Variants in RAB9B observed in about 807,000 individuals in gnomAD.
The protein encoded by RAB9B is RAB9B, member RAS oncogene family, also known as ras-related protein Rab-9B.
In RAB9B, 1 loss-of-function variant was observed where a neutral mutation model predicts 8.9. The observed-to-expected ratio is 0.11, with a 90% CI of 0.04 to 0.53. The LOEUF is 0.53. Among genes scored for constraint, RAB9B ranks in the 20% least tolerant of loss-of-function variants. The probability of loss-of-function intolerance (pLI) is 0.93; values close to 1 mark genes in which losing one functional copy is unlikely to be tolerated. For synonymous variants in RAB9B, 63 were observed against 57.0 expected (o/e 1.10, Z -0.47); for missense variants, 82 against 152.9 (o/e 0.54, Z 2.45).
downstream of RAB9B, among the ~76,000 whole-genome samples, chrX:103,820,983 TAC>T (rs1191042577): frequency 0.029 from 605 of 20,858 alleles, 7 homozygotes; most frequent in East Asian, 0.19. Context: ...CACACACACA[TAC>T]ACACACACAC....
the RAB9B span, chrX:103,785,934 C>A: frequency 1.4e-6 from 1 of 702,092 alleles, no homozygotes; most frequent in Non-Finnish European, 2.1e-6. Flanking sequence ...ACATTCGAAG[C>A]CCATTCAGAA....
At chrX:103,790,739 C>G in the RAB9B span, 3 of 544,220 alleles carry the variant, frequency 5.5e-6, no homozygotes, top group South Asian at 7.3e-5. Flanking sequence ...AAAGGAGAGT[C>G]TTGCAGTGAT....
the RAB9B span, among the ~76,000 whole-genome samples, chrX:103,781,496 T>C: frequency 9.8e-5 from 11 of 112,456 alleles, no homozygotes; most frequent in Admixed American, 1.0e-3. Flanking sequence ...CTTCGTTATA[T>C]CCATTTTAAC....
the RAB9B span, among the ~76,000 whole-genome samples, chrX:103,807,518 C>T: frequency 5.3e-4 from 60 of 112,217 alleles, no homozygotes; most frequent in African/African-American, 1.9e-3. Flanking sequence ...AGAAGCAGAC[C>T]CTCCCTGCCT....
downstream of RAB9B, among the ~76,000 whole-genome samples, chrX:103,819,101 T>C (rs1207911590): frequency 2.7e-5 from 3 of 111,845 alleles, no homozygotes; most frequent in Admixed American, 2.9e-4. Context: ...AGAGATGATA[T>C]GAGCCTGTTT....
At chrX:103,819,250 T>C (rs1179058643), downstream of RAB9B, among the ~76,000 whole-genome samples, 1 of 112,082 alleles carries the variant, frequency 8.9e-6, no homozygotes, top group African/African-American at 3.2e-5. Context: ...GTTAACTAGA[T>C]GTGGCACAGC....
the RAB9B span, chrX:103,786,141 CCTTT>C: frequency 9.1e-7 from 1 of 1,102,475 alleles, no homozygotes; most frequent in Non-Finnish European, 1.2e-6. Flanking sequence ...CCTTCACCCA[CCTTT>C]CTTCTTGTCT....
chrX:103,778,492 T>C, the RAB9B span, among the ~76,000 whole-genome samples: 2 of 111,113 alleles, frequency 1.8e-5, no homozygotes, highest in Non-Finnish European at 3.8e-5. Context: ...ACTGGATAGG[T>C]TGTGCATTAA....
downstream of RAB9B, among the ~76,000 whole-genome samples, chrX:103,819,786 T>A (rs1410969373): frequency 1.8e-5 from 2 of 112,009 alleles, no homozygotes; most frequent in Non-Finnish European, 3.8e-5. Flanking sequence ...GATGGAAACT[T>A]GAGGAAATTA....
chrX:103,788,637 A>G, the RAB9B span: 1 of 610,421 alleles, frequency 1.6e-6, no homozygotes, highest in Non-Finnish European at 2.9e-6. Flanking sequence ...ATTGCCTTCT[A>G]CAACATGTTG....
the RAB9B span, among the ~76,000 whole-genome samples, chrX:103,809,809 T>C: frequency 1.1e-3 from 121 of 109,825 alleles, no homozygotes; most frequent in African/African-American, 3.9e-3. Flanking sequence ...TTTTTTTTTT[T>C]CTCAGAGGCA....
the RAB9B span, chrX:103,781,192 T>C: frequency 3.8e-6 from 1 of 264,660 alleles, no homozygotes; most frequent in South Asian, 3.6e-5. Context: ...ATGGAGCTGG[T>C]CCTTGAGGCG....
the RAB9B span, chrX:103,790,786 T>A: frequency 2.2e-6 from 1 of 457,589 alleles, no homozygotes; most frequent in Non-Finnish European, 3.9e-6. Flanking sequence ...CTTATGTACC[T>A]CTTTTAGTCA....
the RAB9B span, chrX:103,791,401 C>G: frequency 8.9e-6 from 1 of 112,450 alleles, no homozygotes; most frequent in African/African-American, 3.2e-5. Flanking sequence ...TTCCAAGGAG[C>G]TGAGAATAGA....
At chrX:103,821,001 C>G (rs1345793916), downstream of RAB9B, among the ~76,000 whole-genome samples, 5 of 98,324 alleles carry the variant, frequency 5.1e-5, no homozygotes, top group African/African-American at 1.9e-4. Flanking sequence ...CACACACACA[C>G]ACACACACAC....
rs997273761 is a variant in RAB9B at position 103,828,448 on chromosome X, T to A, written c.-116-1370A>T. ...TGAAACAAGTGTTAGCACACTTTTT[T>A]ATTTTTTTATACTGGTCTGTAGGAT... On this transcript the variant is annotated intron_variant, in intron 1 of 2. Transcript: ENST00000243298. Among the ~76,000 whole-genome samples the A allele has an allele frequency of 9.8e-5, 11 of 112,281 alleles. No individual in the cohort carries two copies. The South Asian group carries it at 1.1e-3, about 11-fold the overall frequency.
Position 103,825,511 on chromosome X carries a change from G to T in RAB9B, c.274C>A (p.Arg92=). The change falls in exon 3 of 3, where the codon CGG becomes AGG. Residue 92 remains arginine, a synonymous_variant. Transcript: ENST00000243298. ...CCLLTFSVDD[R]QSFENLGNWQ... ...TTACCAAGATTCTCGAAGCTCTGCC[G>T]ATCATCCACGCTGAAGGTCAAGAGG... 8.3e-7 allele frequency: 1 copy of T among 1,211,488 alleles called. No individual in the cohort carries two copies. Among genetic ancestry groups the T allele is most frequent in the Non-Finnish European group, 1.1e-6 (1 of 895,480 alleles).
chrX:103,817,316 A>G, the RAB9B span, among the ~76,000 whole-genome samples: 1 of 111,313 alleles, frequency 9.0e-6, no homozygotes, highest in African/African-American at 3.3e-5. Flanking sequence ...CATTCTCAGC[A>G]AACTATCACA....
chrX:103,779,263 G>T, the RAB9B span, among the ~76,000 whole-genome samples: 1 of 112,346 alleles, frequency 8.9e-6, no homozygotes, highest in African/African-American at 3.2e-5. Flanking sequence ...GTTGTCGTCT[G>T]AGAACAGTGG....
Sources: gnomAD v4.1 joint callset for allele counts (sites outside exome capture counted in the v4.1 genomes callset) on GRCh38, gnomAD v4.1.1 for gene constraint, MANE v1.5 for transcripts, NCBI Gene and HGNC (gene_info 2026-07-23, HGNC 2026-07-21) for gene names.